AP2M1: variants seen among roughly 807,000 people sequenced by gnomAD.
The protein encoded by AP2M1 is adaptor related protein complex 2 subunit mu 1.
In AP2M1, 5 loss-of-function variants were observed where a neutral mutation model predicts 54.5. The observed-to-expected ratio is 0.09, with a 90% CI of 0.05 to 0.19. The LOEUF (loss-of-function observed/expected upper bound fraction) is 0.19. Among genes scored for constraint, AP2M1 ranks in the 10% least tolerant of loss-of-function variants. AP2M1 has a pLI of 1.00. For missense variants in AP2M1, 178 were observed against 580.2 expected (o/e 0.31, Z 7.12); for synonymous variants, 186 against 208.2 (o/e 0.89, Z 0.92).
In AP2M1 at chr3:184,181,620, TG is replaced by T; in HGVS notation, c.708-72del. ...CTTTTCATAGTCTCTGGTGCCAGCC[TG>T]GGGTGGAGTGGTCTCCCAGCATGAC... is the stretch of plus-strand genomic sequence containing the variant. On this transcript the variant is annotated intron_variant, in intron 7 of 11. Transcript: ENST00000292807. The surrounding 1 kb of genome is among the most constrained non-coding windows in gnomAD (Gnocchi z 5.7). 6.4e-7 allele frequency: 1 copy of T among 1,568,230 alleles called. No homozygotes were observed. The highest frequency in any genetic ancestry group is 1.1e-5 in the South Asian group (1 of 89,812).
Position 184,182,787 on chromosome 3 carries a change from G to A in AP2M1, c.1092G>A (p.Ser364=), listed in dbSNP as rs745780607. The change falls in exon 11 of 12, where the codon TCG becomes TCA. Residue 364 remains serine, a synonymous_variant. Transcript: ENST00000292807. This position sits in a 1 kb window ranked among gnomAD's most constrained non-coding sequence, Gnocchi z 5.5. ...AGCGCATGGCAGGCATGAAGGAATC[G>A]CAGATCAGCGCAGAGATTGAGCTTC... is the stretch of plus-strand genomic sequence containing the variant. The part of the protein sequence containing the change: ...KIKRMAGMKE[S]QISAEIELLP... The A allele has an allele frequency of 1.1e-5, 17 of 1,614,074 alleles. No homozygotes were observed. The highest frequency in any genetic ancestry group is 4.5e-5 in the East Asian group (2 of 44,860).
chr3:184,175,919 G>A (rs1577056832), intron 1 of AP2M1, among the ~76,000 whole-genome samples: 1 of 152,182 alleles, frequency 6.6e-6, no homozygotes, highest in African/African-American at 2.4e-5. Flanking sequence ...CACAGGAAAA[G>A]GCTTTATTTT....
chr3:184,176,938 C>G lies in AP2M1; in HGVS notation c.-43-13C>G, dbSNP rs1715092521. ...TCTGAGGTCTTCTTTTACCCTGCCC[C>G]CGCCTGTCCTAGGTCTGTTCTCAGA... On this transcript the variant is annotated splice_polypyrimidine_tract_variant and intron_variant, in intron 1 of 11. Coordinates refer to ENST00000292807, the MANE Select transcript of AP2M1 (RefSeq NM_004068.4). 2 of 1,582,264 alleles carry G rather than the reference C, an allele frequency of 1.3e-6. No individual in the cohort carries two copies. The highest frequency in any genetic ancestry group is 1.7e-6 in the Non-Finnish European group (2 of 1,158,732).
Position 184,179,071 on chromosome 3 carries a change from A to G in AP2M1, c.289A>G (p.Ser97Gly). The stretch of plus-strand genomic sequence containing the variant: ...GATGGCTGCCTACTTTGGCAAGATC[A>G]GCGAGGAAAACATCAAGAACAATTT... ...DVMAAYFGKI[S>G]EENIKNNFVL... The change falls in exon 3 of 12, where the codon AGC becomes GGC. Residue 97 changes from serine to glycine, a missense_variant. Around this residue, in one of 5 missense-constraint regions of AP2M1, gnomAD observed 115 missense variants for 331.2 expected, o/e 0.35. Coordinates refer to ENST00000292807, the MANE Select transcript of AP2M1 (RefSeq NM_004068.4). 1 of 1,614,182 alleles carries G rather than the reference A, an allele frequency of 6.2e-7. No homozygotes were observed. The highest frequency in any genetic ancestry group is 1.7e-5 in the Admixed American group (1 of 60,028).
Position 184,183,908 on chromosome 3 carries a change from T to G in AP2M1, c.*292T>G. The G allele has an allele frequency of 2.0e-5, 7 of 344,992 alleles. No homozygotes were observed. Among genetic ancestry groups the G allele is most frequent in the Non-Finnish European group, 3.4e-5 (6 of 178,216 alleles). 21.4% of individuals were successfully genotyped at this position (344,992 alleles called of 1,614,324 possible). A position where few individuals can be genotyped will look rare whatever the true frequency, so the allele number is the denominator to read the frequency against. ...CCAAAGCCAGGTGGGTTCCCTTTCC[T>G]TCCCACCCCTGTGGCCACAGCTCTG... On this transcript the variant is annotated 3_prime_UTR_variant, in exon 12 of 12. Transcript: ENST00000292807. The surrounding 1 kb of genome is among the most constrained non-coding windows in gnomAD (Gnocchi z 5.7).
intron 2 of AP2M1, chr3:184,177,556 G>A: frequency 6.5e-7 from 1 of 1,535,896 alleles, no homozygotes; most frequent in South Asian, 1.2e-5. Flanking sequence ...TCGTCAGGCT[G>A]CTGACTCAGC....
Position 184,182,997 on chromosome 3 carries a change from C to G in AP2M1, c.1173+129C>G, listed in dbSNP as rs541722787. On this transcript the variant is annotated intron_variant, in intron 11 of 11. Coordinates refer to ENST00000292807, the MANE Select transcript of AP2M1 (RefSeq NM_004068.4). The surrounding 1 kb of genome is among the most constrained non-coding windows in gnomAD (Gnocchi z 5.5). ...CTAGAAAGAAGAACTGGCTTTAATTCATAGATCCATTCTTCCCCTTTCAAG... is the reference window on the plus strand; with the variant it reads ...CTAGAAAGAAGAACTGGCTTTAATTGATAGATCCATTCTTCCCCTTTCAAG... 6.3e-6 allele frequency: 5 copies of G among 788,746 alleles called. No homozygotes were observed. The highest frequency in any genetic ancestry group is 1.1e-5 in the Non-Finnish European group (5 of 454,228). 48.9% of individuals were successfully genotyped at this position (788,746 alleles called of 1,614,324 possible).
In AP2M1 at chr3:184,183,801, C is replaced by A; in HGVS notation, c.*185C>A. ...GGACCGGTGGAGCAGCCCCTGGGCT[C>A]CCTGGGCAGGGGAGTTCTGAGGCTC... is the stretch of plus-strand genomic sequence containing the variant. On this transcript the variant is annotated 3_prime_UTR_variant, in exon 12 of 12. Coordinates refer to ENST00000292807, the MANE Select transcript of AP2M1 (RefSeq NM_004068.4). This position sits in a 1 kb window ranked among gnomAD's most constrained non-coding sequence, Gnocchi z 5.7. The A allele has an allele frequency of 1.5e-6, 1 of 657,742 alleles. No individual in the cohort carries two copies. Among genetic ancestry groups the A allele is most frequent in the South Asian group, 1.9e-5 (1 of 51,886 alleles). The allele number at this position is 657,742 out of a possible 1,614,324, so 40.7% of individuals were successfully genotyped here.
Position 184,180,742 on chromosome 3 carries a change from G to T in AP2M1, c.429+92G>T. On this transcript the variant is annotated intron_variant, in intron 5 of 11. Transcript: ENST00000292807. This position sits in a 1 kb window ranked among gnomAD's most constrained non-coding sequence, Gnocchi z 4.9. The stretch of plus-strand genomic sequence containing the variant: ...GCTTATAGGGGAAAATGGATTACAG[G>T]TGGGGACTAGAAGGGATGGGGAATG... 3 of 1,614,168 alleles carry T rather than the reference G, an allele frequency of 1.9e-6. No homozygotes were observed. The African/African-American group carries it at 4.0e-5, about 22-fold the overall frequency.
chr3:184,179,289 C>A, intron 3 of AP2M1, 167 bp downstream of exon 3: 1 of 812,764 alleles, frequency 1.2e-6, no homozygotes. Context: ...AAGGCCAGTT[C>A]ACATCCAGAC....
In AP2M1 at chr3:184,180,748, A is replaced by G. The variant is rs1715246899; in HGVS notation, c.429+98A>G. 1 of 1,614,054 alleles carries G rather than the reference A, an allele frequency of 6.2e-7. No individual in the cohort carries two copies. Among genetic ancestry groups the G allele is most frequent in the Non-Finnish European group, 8.5e-7 (1 of 1,179,940 alleles). ...AGGGGAAAATGGATTACAGGTGGGG[A>G]CTAGAAGGGATGGGGAATGAGGGTG... On this transcript the variant is annotated intron_variant, in intron 5 of 11. Transcript: ENST00000292807. This position sits in a 1 kb window ranked among gnomAD's most constrained non-coding sequence, Gnocchi z 4.9.
chr3:184,180,069 C>A lies in AP2M1; in HGVS notation c.341-100C>A. 9.3e-7 allele frequency: 1 copy of A among 1,080,930 alleles called. No homozygotes were observed. The highest frequency in any genetic ancestry group is 1.4e-6 in the Non-Finnish European group (1 of 715,538). The allele number at this position is 1,080,930 out of a possible 1,614,324, so 67.0% of individuals were successfully genotyped here. A position where few individuals can be genotyped will look rare whatever the true frequency, so the allele number is the denominator to read the frequency against. On this transcript the variant is annotated intron_variant, in intron 3 of 11. Transcript: ENST00000292807. The surrounding 1 kb of genome is among the most constrained non-coding windows in gnomAD (Gnocchi z 4.9). The stretch of plus-strand genomic sequence containing the variant: ...GAAGACTTTCTTGCGGATGATCCCA[C>A]ATGGGCTTTGGGAGCTGTGCCGGTC...
rs757225665 is a variant in AP2M1, at chr3:184,182,513, A to G, written c.1062-244A>G. On this transcript the variant is annotated intron_variant, in intron 10 of 11. Transcript: ENST00000292807. This position sits in a 1 kb window ranked among gnomAD's most constrained non-coding sequence, Gnocchi z 5.5. ...ACAAAGGGAATACATTGCCTTTGTA[A>G]TGTATCTGTGAAGCAGACAAAGCAA... is the stretch of plus-strand genomic sequence containing the variant. Among the ~76,000 whole-genome samples, 6 of 152,058 alleles carry G rather than the reference A, an allele frequency of 3.9e-5. No individual in the cohort carries two copies. Among genetic ancestry groups the G allele is most frequent in the Non-Finnish European group, 8.8e-5 (6 of 68,008 alleles).
Position 184,182,875 on chromosome 3 carries a change from C to T in AP2M1, c.1173+7C>T. On this transcript the variant is annotated splice_region_variant and intron_variant, in intron 11 of 11. Transcript: ENST00000292807. This position sits in a 1 kb window ranked among gnomAD's most constrained non-coding sequence, Gnocchi z 5.5. The stretch of plus-strand genomic sequence containing the variant: ...CATTTCCATGAACTTTGAGGTATGG[C>T]AGAGGAGGGGCCTAGAGTCATGCCA... 1 of 1,611,306 alleles carries T rather than the reference C, an allele frequency of 6.2e-7. No individual in the cohort carries two copies. Among genetic ancestry groups the T allele is most frequent in the Non-Finnish European group, 8.5e-7 (1 of 1,177,804 alleles).
At position 184,182,444 on chromosome 3, in the gene AP2M1, A is replaced by G; in HGVS notation, c.1061+196A>G. On this transcript the variant is annotated intron_variant, in intron 10 of 11. Transcript: ENST00000292807. The surrounding 1 kb of genome is among the most constrained non-coding windows in gnomAD (Gnocchi z 5.5). ...TGCATTTGGGTTCATGCACGTGCTT[A>G]TTTTTTAAGATGCTTTGGCATTTCC... The G allele has an allele frequency of 1.6e-6, 1 of 613,844 alleles. No homozygotes were observed. Among genetic ancestry groups the G allele is most frequent in the South Asian group, 2.1e-5 (1 of 47,374 alleles). The allele number at this position is 613,844 out of a possible 1,614,324, so 38.0% of individuals were successfully genotyped here. A position where few individuals can be genotyped will look rare whatever the true frequency, so the allele number is the denominator to read the frequency against.
rs1044542584 is a variant in AP2M1, at chr3:184,178,804, G to T, written c.75-53G>T. Reference sequence around the variant, plus strand: ...GTTAGCAGCTGTGGTTGATCCTTATGGGGTAAGGTTCACCTGGGTGCTGAG... The same window carrying T: ...GTTAGCAGCTGTGGTTGATCCTTATTGGGTAAGGTTCACCTGGGTGCTGAG... On this transcript the variant is annotated intron_variant, in intron 2 of 11. Transcript: ENST00000292807. This position sits in a 1 kb window ranked among gnomAD's most constrained non-coding sequence, Gnocchi z 4.9. 65 of 1,589,814 alleles carry T rather than the reference G, an allele frequency of 4.1e-5. No homozygotes were observed. The highest frequency in any genetic ancestry group is 4.8e-5 in the Non-Finnish European group (56 of 1,164,512).
chr3:184,180,478 T>A lies in AP2M1; in HGVS notation c.424-167T>A. 1 of 1,204,624 alleles carries A rather than the reference T, an allele frequency of 8.3e-7. No homozygotes were observed. The highest frequency in any genetic ancestry group is 1.2e-6 in the Non-Finnish European group (1 of 845,932). 74.6% of individuals were successfully genotyped at this position (1,204,624 alleles called of 1,614,324 possible). On this transcript the variant is annotated intron_variant, in intron 4 of 11. Coordinates refer to ENST00000292807, the MANE Select transcript of AP2M1 (RefSeq NM_004068.4). The surrounding 1 kb of genome is among the most constrained non-coding windows in gnomAD (Gnocchi z 4.9). The stretch of plus-strand genomic sequence containing the variant: ...CAGGAATACAGCTCAAGCAGTTTCC[T>A]TTTGCACTGAGGGGTGGGGGAGGAG...
In AP2M1 at chr3:184,183,633, A is replaced by G; in HGVS notation, c.*17A>G. On this transcript the variant is annotated 3_prime_UTR_variant, in exon 12 of 12. Coordinates refer to ENST00000292807, the MANE Select transcript of AP2M1 (RefSeq NM_004068.4). The surrounding 1 kb of genome is among the most constrained non-coding windows in gnomAD (Gnocchi z 5.7). ...CGCTGCTAGCTGCCACTAGGCAGCT[A>G]GCCCACCTCCCCAGCCACCCTCCTC... 3 of 1,609,250 alleles carry G rather than the reference A, an allele frequency of 1.9e-6. No individual in the cohort carries two copies. The highest frequency in any genetic ancestry group is 2.5e-6 in the Non-Finnish European group (3 of 1,178,636).
Position 184,180,057 on chromosome 3 carries a change from C to A in AP2M1, c.341-112C>A. On this transcript the variant is annotated intron_variant, in intron 3 of 11. Coordinates refer to ENST00000292807, the MANE Select transcript of AP2M1 (RefSeq NM_004068.4). This position sits in a 1 kb window ranked among gnomAD's most constrained non-coding sequence, Gnocchi z 4.9. ...GCTACAAAGCTAGAAGACTTTCTTG[C>A]GGATGATCCCACATGGGCTTTGGGA... 1.1e-6 allele frequency: 1 copy of A among 890,820 alleles called. No individual in the cohort carries two copies. Among genetic ancestry groups the A allele is most frequent in the Non-Finnish European group, 1.8e-6 (1 of 561,088 alleles). The allele number at this position is 890,820 out of a possible 1,614,324, so 55.2% of individuals were successfully genotyped here.
Sources: gnomAD v4.1 joint callset for allele counts (sites outside exome capture counted in the v4.1 genomes callset) on GRCh38, gnomAD v4.1.1 for gene constraint, gnomAD v4.1.1 regional missense constraint, Gnocchi (gnomAD v3.1) non-coding constraint, MANE v1.5 for transcripts, NCBI Gene and HGNC (gene_info 2026-07-23, HGNC 2026-07-21) for gene names.